The following RERE variants were observed in gnomAD, a reference collection of about 807,000 sequenced individuals.
The protein encoded by RERE is arginine-glutamic acid dipeptide repeats protein.
Under a neutral mutation model 146.1 loss-of-function variants are expected in RERE, and 40 were observed. That is an observed-to-expected ratio of 0.27 (90% CI 0.21 to 0.36). The LOEUF (loss-of-function observed/expected upper bound fraction) is 0.36. Ranked by LOEUF, RERE falls within the 10% of genes least tolerant of loss-of-function variation. The pLI is 1.00. For missense variants in RERE, 1,933 were observed against 2,138.7 expected, an observed-to-expected ratio of 0.90 and a Z score of 1.90; for synonymous variants, 1,003 against 866.0, an observed-to-expected ratio of 1.16 and a Z score of -2.78.
At chr1:8,479,208 G>A (rs1395739482) in intron 10 of RERE, among the ~76,000 whole-genome samples, 3 of 151,944 alleles carry the variant, frequency 2.0e-5, no homozygotes, top group Non-Finnish European at 4.4e-5. Flanking sequence ...AACACAGTGA[G>A]CCCCTGTCTC....
chr1:8,422,249 G>C (rs1300399235), intron 12 of RERE, among the ~76,000 whole-genome samples: 8 of 152,130 alleles, frequency 5.3e-5, no homozygotes, highest in African/African-American at 1.9e-4. Context: ...GAATATTAAA[G>C]AGTTAAAACT....
chr1:8,703,551 CCTT>C (rs1230143438), intron 1 of RERE, among the ~76,000 whole-genome samples: 1 of 152,202 alleles, frequency 6.6e-6, no homozygotes, highest in Non-Finnish European at 1.5e-5. Context: ...AATTTTATCT[CCTT>C]CGTTGCTTGG....
intron 11 of RERE, among the ~76,000 whole-genome samples, chr1:8,452,146 G>A (rs1644397655): frequency 6.6e-6 from 1 of 151,962 alleles, no homozygotes; most frequent in African/African-American, 2.4e-5. Flanking sequence ...ATCCTTCAAG[G>A]TCCTCTCAAA....
chr1:8,650,111 G>C (rs932516009), intron 2 of RERE, among the ~76,000 whole-genome samples: 6 of 152,092 alleles, frequency 3.9e-5, no homozygotes, highest in Non-Finnish European at 7.4e-5. Flanking sequence ...AGCTCCTAAG[G>C]ACAAAATTAA....
intron 1 of RERE, among the ~76,000 whole-genome samples, chr1:8,669,550 T>C (rs993636323): frequency 2.6e-5 from 4 of 152,312 alleles, no homozygotes; most frequent in African/African-American, 9.6e-5. Flanking sequence ...AAGGTGCATC[T>C]GGCTACGAAA....
Position 8,356,715 on chromosome 1 carries a change from G to T in RERE, c.4340-469C>A, listed in dbSNP as rs938438334. ...AGCAGAGTGGGTGGCGCAGAATGGGGACCTGGCACAGCACTGCCCTCTCCT... is the reference window on the plus strand; with the variant it reads ...AGCAGAGTGGGTGGCGCAGAATGGGTACCTGGCACAGCACTGCCCTCTCCT... On this transcript the variant is annotated intron_variant, in intron 20 of 22. Transcript: ENST00000400908. This position sits in a 1 kb window ranked among gnomAD's most constrained non-coding sequence, Gnocchi z 5.2. 6.6e-6 allele frequency among the ~76,000 whole-genome samples: 1 copy of T among 152,112 alleles called. No individual in the cohort carries two copies. The highest frequency in any genetic ancestry group is 1.5e-5 in the Non-Finnish European group (1 of 68,006).
intron 1 of RERE, among the ~76,000 whole-genome samples, chr1:8,789,297 A>ATATATATATATATATATAT (rs1468727127): frequency 1.6e-5 from 1 of 64,152 alleles, no homozygotes; most frequent in African/African-American, 7.1e-5. Context: ...AAAAAAAAAA[A>ATATATATATATATATATAT]AAAAATATAT....
chr1:8,763,220 T>G (rs1340662922), intron 1 of RERE, among the ~76,000 whole-genome samples: 1 of 152,044 alleles, frequency 6.6e-6, no homozygotes, highest in African/African-American at 2.4e-5. Flanking sequence ...AATCATAGGG[T>G]GTAATTCACT....
chr1:8,459,551 T>A (rs1360056587), intron 11 of RERE, among the ~76,000 whole-genome samples: 1 of 152,218 alleles, frequency 6.6e-6, no homozygotes, highest in Non-Finnish European at 1.5e-5. Context: ...TTTCAAGTTA[T>A]AATTTCTTTA....
At chr1:8,658,977 G>A (rs1273531020) in intron 1 of RERE, among the ~76,000 whole-genome samples, 1 of 152,144 alleles carries the variant, frequency 6.6e-6, no homozygotes, top group African/African-American at 2.4e-5. Flanking sequence ...TGCATCATAA[G>A]CTACATTAGA....
At chr1:8,605,540 G>C (rs1490068921) in intron 4 of RERE, among the ~76,000 whole-genome samples, 1 of 151,996 alleles carries the variant, frequency 6.6e-6, no homozygotes, top group African/African-American at 2.4e-5. Context: ...CCTGAGGTCA[G>C]GACTTCGAGA....
chr1:8,356,778 C>T lies in RERE; in HGVS notation c.4340-532G>A, dbSNP rs961195660. ...AAATCTTGCGTCTCTCCCTTCAGAA[C>T]GTTGCCTTGATCTGACCTCACTGCA... On this transcript the variant is annotated intron_variant, in intron 20 of 22. Transcript: ENST00000400908. The surrounding 1 kb of genome is among the most constrained non-coding windows in gnomAD (Gnocchi z 5.2). 6.6e-6 allele frequency among the ~76,000 whole-genome samples: 1 copy of T among 152,190 alleles called. No individual in the cohort carries two copies. The highest frequency in any genetic ancestry group is 1.9e-4 in the East Asian group (1 of 5,186).
intron 1 of RERE, among the ~76,000 whole-genome samples, chr1:8,725,042 G>A (rs895133003): frequency 6.6e-5 from 10 of 151,896 alleles, no homozygotes; most frequent in Admixed American, 1.3e-4. Flanking sequence ...TTGAAAACAC[G>A]AATGCTTATT....
At chr1:8,422,995 C>A (rs1643935080) in intron 11 of RERE, among the ~76,000 whole-genome samples, 188 bp from the exon 12 acceptor site, 1 of 152,166 alleles carries the variant, frequency 6.6e-6, no homozygotes. Flanking sequence ...CCCCAGCTAC[C>A]TTCATCAGAA....
Position 8,637,504 on chromosome 1 carries a change from G to C in RERE, c.326-13124C>G, listed in dbSNP as rs1298335958. On this transcript the variant is annotated intron_variant, in intron 2 of 22. Coordinates refer to ENST00000400908, the MANE Select transcript of RERE (RefSeq NM_001042681.2). ...CTAGAACATTGTATTATTTATAAGA[G>C]TTAAAGCTGACCAAAATCATACTAT... Among the ~76,000 whole-genome samples, 3 of 152,150 alleles carry C rather than the reference G, an allele frequency of 2.0e-5. No individual in the cohort carries two copies. In the East Asian group the frequency reaches 5.8e-4, roughly 29 times the overall value.
chr1:8,578,829 C>T (rs1243197655), intron 4 of RERE, among the ~76,000 whole-genome samples: 1 of 152,152 alleles, frequency 6.6e-6, no homozygotes, highest in African/African-American at 2.4e-5. Flanking sequence ...ACATCTGCCC[C>T]TTGTGTTAAA....
intron 4 of RERE, among the ~76,000 whole-genome samples, chr1:8,598,988 A>G (rs1452231480): frequency 6.6e-6 from 1 of 152,248 alleles, no homozygotes; most frequent in Non-Finnish European, 1.5e-5. Flanking sequence ...ATCCCCCAGC[A>G]GACTGCAATT....
rs565438156 is a variant in RERE, at chr1:8,752,651, G to T, written c.-145+64509C>A. Among the ~76,000 whole-genome samples, 157 of 152,268 alleles carry T rather than the reference G, an allele frequency of 1.0e-3. 1 individual carries two copies. Among genetic ancestry groups the T allele is most frequent in the African/African-American group, 1.8e-3 (73 of 41,556 alleles). On this transcript the variant is annotated intron_variant, in intron 1 of 22. Coordinates refer to ENST00000400908, the MANE Select transcript of RERE (RefSeq NM_001042681.2). Reference sequence around the variant, plus strand: ...TAAAAACAAGGTTTCTTAAAACCTTGTGAGTTTCTTTTCCTATGCTACAGC... The same window carrying T: ...TAAAAACAAGGTTTCTTAAAACCTTTTGAGTTTCTTTTCCTATGCTACAGC...
chr1:8,811,289 C>T (rs913557211), intron 1 of RERE, among the ~76,000 whole-genome samples: 4 of 152,212 alleles, frequency 2.6e-5, no homozygotes, highest in African/African-American at 9.7e-5. Context: ...TGCTTCCCAC[C>T]CCAGAAGCAG....
Sources: gnomAD v4.1 joint callset for allele counts (sites outside exome capture counted in the v4.1 genomes callset) on GRCh38, gnomAD v4.1.1 for gene constraint, Gnocchi (gnomAD v3.1) non-coding constraint, MANE v1.5 for transcripts, NCBI Gene and HGNC (gene_info 2026-07-23, HGNC 2026-07-21) for gene names.